The following ANK3 variants were observed in gnomAD, a reference collection of about 807,000 sequenced individuals.
The protein encoded by ANK3 is ankyrin 3.
In ANK3, 57 loss-of-function variants were observed where a neutral mutation model predicts 370.9. The ratio of observed to expected loss-of-function variants is 0.15; its 90% CI spans 0.12 to 0.19. The LOEUF (loss-of-function observed/expected upper bound fraction) is 0.19, where lower values mean the gene tolerates loss of function less well. Ranked by LOEUF, ANK3 falls within the 10% of genes least tolerant of loss-of-function variation. The pLI, the probability that ANK3 is intolerant of heterozygous loss-of-function variation, is 1.00. For missense variants in ANK3, 4,439 were observed against 5,302.1 expected (o/e 0.84, Z 5.06); for synonymous variants, 1,929 against 1,946.3 (o/e 0.99, Z 0.23).
intron 1 of ANK3, among the ~76,000 whole-genome samples, chr10:60,638,594 A>T (rs2078586684): frequency 6.6e-6 from 1 of 152,316 alleles, no homozygotes; most frequent in East Asian, 1.9e-4. Context: ...GAATTAGCAC[A>T]TAAAAATGTT....
At chr10:60,113,090 C>T (rs2092827035) in intron 26 of ANK3, among the ~76,000 whole-genome samples, 1 of 152,106 alleles carries the variant, frequency 6.6e-6, no homozygotes, top group African/African-American at 2.4e-5. Flanking sequence ...AGCAGGTCCC[C>T]TTTTAGCCTC....
At chr10:60,067,911 C>G (rs375888303) in intron 38 of ANK3, 24 bp downstream of exon 38, 16 of 1,550,220 alleles carry the variant, frequency 1.0e-5, no homozygotes, top group Non-Finnish European at 1.4e-5. Flanking sequence ...CTAATTTGTT[C>G]CATTCAGGAG....
intron 2 of ANK3, among the ~76,000 whole-genome samples, chr10:60,566,533 C>G (rs1308106856): frequency 1.3e-5 from 2 of 152,128 alleles, no homozygotes; most frequent in East Asian, 1.9e-4. Flanking sequence ...AGCAAGATAG[C>G]CTTATTGCTG....
intron 2 of ANK3, among the ~76,000 whole-genome samples, chr10:60,502,165 T>C (rs2075817803): frequency 6.6e-6 from 1 of 152,180 alleles, no homozygotes; most frequent in Admixed American, 6.5e-5. Context: ...GCCTCAAGAA[T>C]GAATTGATGG....
chr10:60,556,051 C>T (rs2077199328), intron 2 of ANK3, among the ~76,000 whole-genome samples: 1 of 152,188 alleles, frequency 6.6e-6, no homozygotes, highest in Admixed American at 6.5e-5. Flanking sequence ...AGTCATAGCC[C>T]ACCTGCTTCA....
intron 2 of ANK3, among the ~76,000 whole-genome samples, chr10:60,448,472 GCATTTTA>G (rs2064509767): frequency 6.6e-6 from 1 of 152,192 alleles, no homozygotes; most frequent in Non-Finnish European, 1.5e-5. Context: ...CTGGTTAGAT[GCATTTTA>G]CTGACATTTA....
chr10:60,555,977 C>T lies in ANK3; in HGVS notation c.96+59209G>A, dbSNP rs527931207. Among the ~76,000 whole-genome samples, 29 of 152,276 alleles carry T rather than the reference C, an allele frequency of 1.9e-4. No homozygotes were observed. In the South Asian group the frequency reaches 6.0e-3, roughly 32 times the overall value. ...CATCAGGCCTTTATGAAAGGAAATTCCCAGTGGTATAGCTCACCTGGTACT... is the reference window on the plus strand; with the variant it reads ...CATCAGGCCTTTATGAAAGGAAATTTCCAGTGGTATAGCTCACCTGGTACT... On this transcript the variant is annotated intron_variant, in intron 2 of 43. Coordinates refer to the ANK3 transcript ENST00000373827.
chr10:60,050,914 T>A (rs1015238775), intron 42 of ANK3, among the ~76,000 whole-genome samples: 3 of 151,628 alleles, frequency 2.0e-5, no homozygotes, highest in Non-Finnish European at 2.9e-5. Context: ...ATTTCAGATT[T>A]TTTTTTTTTT....
chr10:60,154,504 G>A (rs965545819), intron 23 of ANK3, among the ~76,000 whole-genome samples: 1 of 152,104 alleles, frequency 6.6e-6, no homozygotes, highest in Admixed American at 6.5e-5. Flanking sequence ...GTCAAAATCT[G>A]TTTATTCCAC....
At chr10:60,370,291 T>C (rs2059933319) in intron 1 of ANK3, among the ~76,000 whole-genome samples, 1 of 152,306 alleles carries the variant, frequency 6.6e-6, no homozygotes, top group South Asian at 2.1e-4. Context: ...TGCTTCCTTT[T>C]TCATTTCTCT....
At chr10:60,132,283 C>G in intron 25 of ANK3, among the ~76,000 whole-genome samples, 1 of 152,146 alleles carries the variant, frequency 6.6e-6, no homozygotes, top group Non-Finnish European at 1.5e-5. Flanking sequence ...CCATCCAAAT[C>G]TCATCTTGAA....
chr10:60,459,210 G>T (rs1400872069), intron 2 of ANK3, among the ~76,000 whole-genome samples: 1 of 152,118 alleles, frequency 6.6e-6, no homozygotes, highest in East Asian at 1.9e-4. Flanking sequence ...ACAGGTAAAA[G>T]GTTAAGTCTC....
At chr10:60,043,030 A>G in intron 42 of ANK3, 1 of 1,207,706 alleles carries the variant, frequency 8.3e-7, no homozygotes, top group Non-Finnish European at 1.0e-6. Context: ...CGAGCAGCCT[A>G]TCCATTTCCT....
intron 23 of ANK3, among the ~76,000 whole-genome samples, chr10:60,161,354 CA>C (rs1250637403): frequency 6.6e-6 from 1 of 151,858 alleles, no homozygotes; most frequent in Non-Finnish European, 1.5e-5. Flanking sequence ...AATAGAATAC[CA>C]TATGATCCAG....
chr10:60,569,622 C>T (rs1028554627), intron 2 of ANK3, among the ~76,000 whole-genome samples: 2 of 152,150 alleles, frequency 1.3e-5, no homozygotes, highest in African/African-American at 4.8e-5. Flanking sequence ...TACAAAAATA[C>T]TATGCGCTAA....
chr10:60,494,917 GA>G (rs1462123777), intron 2 of ANK3, among the ~76,000 whole-genome samples: 1 of 152,118 alleles, frequency 6.6e-6, no homozygotes, highest in East Asian at 1.9e-4. Flanking sequence ...AGAATAAGAT[GA>G]ATCCTACAGG....
At chr10:60,436,331 C>T (rs77112987) in intron 2 of ANK3, among the ~76,000 whole-genome samples, 1,625 of 152,280 alleles carry the variant, frequency 0.011, 40 homozygotes, top group African/African-American at 0.037. Context: ...AGGAAAATAC[C>T]TAGGAGTGGA....
At chr10:60,280,929 T>C (rs2098152976) in intron 1 of ANK3, among the ~76,000 whole-genome samples, 1 of 152,204 alleles carries the variant, frequency 6.6e-6, no homozygotes. Flanking sequence ...GATTTTGGTA[T>C]ACCTGTCCTT....
At chr10:60,201,464 C>T (rs2096672239) in intron 12 of ANK3, among the ~76,000 whole-genome samples, 1 of 152,118 alleles carries the variant, frequency 6.6e-6, no homozygotes, top group South Asian at 2.1e-4. Flanking sequence ...GTCTGTTGTG[C>T]TAATATTATG....
Sources: allele counts gnomAD v4.1 joint callset (sites outside exome capture counted in the v4.1 genomes callset), GRCh38; gene constraint gnomAD v4.1.1; transcripts MANE v1.5; gene names NCBI Gene and HGNC (gene_info 2026-07-23, HGNC 2026-07-21).